The following CDYL2 variants were observed in gnomAD, a reference collection of about 807,000 sequenced individuals.
CDYL2 encodes the protein chromodomain Y like 2.
A neutral mutation model predicts 49.4 loss-of-function variants in CDYL2; 23 were observed. That is an observed-to-expected ratio of 0.47 (90% confidence interval 0.34 to 0.66). CDYL2 has a LOEUF of 0.66. Among genes scored for constraint, CDYL2 ranks in the 30% least tolerant of loss-of-function variants. CDYL2 has a pLI of 0.01. For synonymous variants in CDYL2, 360 were observed against 268.8 expected, an observed-to-expected ratio of 1.34 and a Z score of -3.32; for missense variants, 678 against 656.4, an observed-to-expected ratio of 1.03 and a Z score of -0.36.
chr16:80,670,250 C>G (rs1316693832), intron 2 of CDYL2, among the ~76,000 whole-genome samples: 1 of 151,742 alleles, frequency 6.6e-6, no homozygotes, highest in East Asian at 1.9e-4. Context: ...ATAATCCCCA[C>G]GTGTGGTGGG....
At chr16:80,692,099 G>A (rs1446434862) in intron 1 of CDYL2, among the ~76,000 whole-genome samples, 1 of 152,050 alleles carries the variant, frequency 6.6e-6, no homozygotes, top group African/African-American at 2.4e-5. Context: ...GTCCAACAAA[G>A]AGAAAAAAAT....
chr16:80,715,973 G>A (rs556112625), intron 1 of CDYL2, among the ~76,000 whole-genome samples: 6 of 152,334 alleles, frequency 3.9e-5, no homozygotes, highest in Admixed American at 2.6e-4. Context: ...CTCTGTCGCC[G>A]ACCTGTGGTT....
At chr16:80,622,209 G>T (rs887226719) in intron 3 of CDYL2, among the ~76,000 whole-genome samples, 1 of 152,196 alleles carries the variant, frequency 6.6e-6, no homozygotes, top group African/African-American at 2.4e-5. Flanking sequence ...GCCAGCCCAG[G>T]GGTGGACAGG....
chr16:80,663,593 A>C (rs1337673579), intron 2 of CDYL2, among the ~76,000 whole-genome samples: 4 of 151,594 alleles, frequency 2.6e-5, no homozygotes, highest in Non-Finnish European at 4.4e-5. Context: ...CAGATGTCTA[A>C]ATTTTTTTTT....
chr16:80,712,094 T>A (rs1485792666), intron 1 of CDYL2, among the ~76,000 whole-genome samples: 1 of 145,834 alleles, frequency 6.9e-6, no homozygotes, highest in Non-Finnish European at 1.5e-5. Context: ...TGTGTGTATA[T>A]ATATGTGTAT....
intron 1 of CDYL2, among the ~76,000 whole-genome samples, chr16:80,707,753 A>G (rs1320211365): frequency 1.3e-5 from 2 of 152,174 alleles, no homozygotes; most frequent in Non-Finnish European, 2.9e-5. Context: ...CAGCATCCAG[A>G]GAGGCAGCCT....
chr16:80,605,258 C>T (rs1329751745), intron 6 of CDYL2, among the ~76,000 whole-genome samples: 1 of 150,266 alleles, frequency 6.7e-6, no homozygotes, highest in African/African-American at 2.4e-5. Flanking sequence ...CGTATATACA[C>T]ATATTATGTA....
intron 2 of CDYL2, among the ~76,000 whole-genome samples, chr16:80,635,796 C>T (rs966507095): frequency 9.9e-5 from 15 of 152,142 alleles, no homozygotes; most frequent in African/African-American, 3.4e-4. Flanking sequence ...AGGCATCATG[C>T]TACCTGACTT....
At chr16:80,777,791 A>C (rs1178971089) in intron 1 of CDYL2, among the ~76,000 whole-genome samples, 1 of 152,118 alleles carries the variant, frequency 6.6e-6, no homozygotes, top group Non-Finnish European at 1.5e-5. Context: ...TTGACATGTT[A>C]CATAAGCTAT....
At chr16:80,710,003 C>G (rs1322534254) in intron 1 of CDYL2, among the ~76,000 whole-genome samples, 1 of 151,526 alleles carries the variant, frequency 6.6e-6, no homozygotes, top group Non-Finnish European at 1.5e-5. Context: ...TCTCGGCTCA[C>G]TGCAACCTCC....
chr16:80,773,098 C>T (rs28525085), intron 1 of CDYL2, among the ~76,000 whole-genome samples: 10,468 of 151,774 alleles, frequency 0.069, 427 homozygotes, highest in African/African-American at 0.11. Flanking sequence ...AAGGTGAAAA[C>T]AAAATGACAA....
chr16:80,750,975 G>C (rs529306321), intron 1 of CDYL2, among the ~76,000 whole-genome samples: 2 of 151,888 alleles, frequency 1.3e-5, no homozygotes, highest in Non-Finnish European at 2.9e-5. Context: ...AGCCAAGATC[G>C]CACCACTGCA....
At chr16:80,664,347 G>C (rs1282282198) in intron 2 of CDYL2, among the ~76,000 whole-genome samples, 1 of 152,150 alleles carries the variant, frequency 6.6e-6, no homozygotes, top group East Asian at 1.9e-4. Context: ...GGGGCCACTT[G>C]AAATGCTTCT....
chr16:80,718,333 C>T (rs1168790057), intron 1 of CDYL2, among the ~76,000 whole-genome samples: 2 of 152,176 alleles, frequency 1.3e-5, no homozygotes, highest in African/African-American at 4.8e-5. Flanking sequence ...GGCAAACTCA[C>T]ATAATAGTTA....
chr16:80,804,868 CAGCCG>C, upstream of CDYL2, among the ~76,000 whole-genome samples: 1 of 151,922 alleles, frequency 6.6e-6, no homozygotes, highest in South Asian at 2.1e-4. Flanking sequence ...GAAGGGGCCC[CAGCCG>C]AGCCCCGCCG....
intron 2 of CDYL2, among the ~76,000 whole-genome samples, chr16:80,638,587 A>C (rs1907944411): frequency 6.6e-6 from 1 of 152,212 alleles, no homozygotes; most frequent in Non-Finnish European, 1.5e-5. Flanking sequence ...ATAAAGCTAA[A>C]GTAATCAAGA....
chr16:80,631,695 G>A (rs533468819), intron 3 of CDYL2, among the ~76,000 whole-genome samples: 192 of 152,242 alleles, frequency 1.3e-3, no homozygotes, highest in African/African-American at 4.3e-3. Flanking sequence ...ATGCCTAAAA[G>A]TCAACCATAG....
chr16:80,785,484 C>T (rs528351816), intron 1 of CDYL2, among the ~76,000 whole-genome samples: 4 of 152,284 alleles, frequency 2.6e-5, no homozygotes, highest in African/African-American at 9.6e-5. Flanking sequence ...AATGGAAAAA[C>T]ACTCCATGCT....
chr16:80,709,385 A>C (rs1344155191), intron 1 of CDYL2, among the ~76,000 whole-genome samples: 1 of 151,512 alleles, frequency 6.6e-6, no homozygotes. Flanking sequence ...CCATTTCAAA[A>C]AAAAAAAAAA....
Sources: gnomAD v4.1 joint callset for allele counts (sites outside exome capture counted in the v4.1 genomes callset) on GRCh38, gnomAD v4.1.1 for gene constraint, MANE v1.5 for transcripts, NCBI Gene and HGNC (gene_info 2026-07-23, HGNC 2026-07-21) for gene names.